The following PDE4A variants were observed in gnomAD, a reference collection of about 807,000 sequenced individuals.
The protein encoded by PDE4A is phosphodiesterase 4A, also known as 3',5'-cyclic-AMP phosphodiesterase 4A.
PDE4A carries 21 observed loss-of-function variants against 73.9 expected under a neutral mutation model. The observed-to-expected ratio is 0.28, with a 90% CI of 0.20 to 0.41. The LOEUF (loss-of-function observed/expected upper bound fraction) is 0.41, where lower values mean the gene tolerates loss of function less well. Among genes scored for constraint, PDE4A ranks in the 10% least tolerant of loss-of-function variants. The probability of loss-of-function intolerance (pLI) is 1.00; values close to 1 mark genes in which losing one functional copy is unlikely to be tolerated. For missense variants in PDE4A, 958 were observed against 1,211.4 expected, an observed-to-expected ratio of 0.79 and a Z score of 3.10; for synonymous variants, 463 against 505.4, an observed-to-expected ratio of 0.92 and a Z score of 1.13.
rs145079183 is a variant in PDE4A at position 10,464,513 on chromosome 19, C to T, written c.1926+538C>T. ...CTCACTGCAGCCTTGAATTCCTGGGCTCAAGCGATCTTCCTGCCTCAGCCT... is the reference window on the plus strand; with the variant it reads ...CTCACTGCAGCCTTGAATTCCTGGGTTCAAGCGATCTTCCTGCCTCAGCCT... On this transcript the variant is annotated intron_variant, in intron 14 of 14. Coordinates refer to ENST00000380702, the MANE Select transcript of PDE4A (RefSeq NM_001111307.2). 6.9e-5 allele frequency: 31 copies of T among 446,044 alleles called. No individual in the cohort carries two copies. The East Asian group carries it at 1.6e-3, about 23-fold the overall frequency. The allele number at this position is 446,044 out of a possible 1,614,324, so 27.6% of individuals were successfully genotyped here. A position where few individuals can be genotyped will look rare whatever the true frequency, so the allele number is the denominator to read the frequency against.
At chr19:10,450,762 G>A in intron 5 of PDE4A, 67 bp from the exon 6 acceptor site, 1 of 1,578,236 alleles carries the variant, frequency 6.3e-7, no homozygotes, top group Non-Finnish European at 8.6e-7. Flanking sequence ...CCGTCACGGC[G>A]GTCTGGAGCC....
chr19:10,457,932 C>A lies in PDE4A; in HGVS notation c.931C>A (p.Gln311Lys). ...PSPTMKEREK[Q>K]QAPRPRPSQP... ...ACCCACGATGAAGGAACGAGAAAAA[C>A]AGCAAGCGCCGCGACCAAGACCCTC... The change falls in exon 8 of 15, where the codon CAG becomes AAG. Residue 311 changes from glutamine (Q) to lysine (K), a missense_variant. Physicochemically the swap from Gln to Lys is moderately conservative, Grantham distance 53. Coordinates refer to ENST00000380702, the MANE Select transcript of PDE4A (RefSeq NM_001111307.2). The A allele has an allele frequency of 6.2e-7, 1 of 1,613,116 alleles. No homozygotes were observed. Among genetic ancestry groups the A allele is most frequent in the Non-Finnish European group, 8.5e-7 (1 of 1,180,032 alleles).
At chr19:10,452,998 A>C in intron 6 of PDE4A, 1 of 1,276,684 alleles carries the variant, frequency 7.8e-7, no homozygotes. Flanking sequence ...CCCCCCTCCC[A>C]TGGGCACGGA....
chr19:10,455,445 CAA>C (rs2043155323), intron 7 of PDE4A, among the ~76,000 whole-genome samples: 1 of 140,570 alleles, frequency 7.1e-6, no homozygotes, highest in Non-Finnish European at 1.5e-5. Context: ...GCCTAGGCAA[CAA>C]GAGTGAAACT....
At chr19:10,466,284 A>T (rs1024913817) in intron 14 of PDE4A, among the ~76,000 whole-genome samples, 1 of 149,478 alleles carries the variant, frequency 6.7e-6, no homozygotes, top group Non-Finnish European at 1.5e-5. Flanking sequence ...GTCTCTACTA[A>T]AAATAGAAAA....
chr19:10,459,261 TTCTGTGCTG>T lies in PDE4A; in HGVS notation c.1102-137_1102-129del. On this transcript the variant is annotated intron_variant, in intron 8 of 14. Transcript: ENST00000380702. ...AGCCCAGTAGGACGAGGGCAGTACA[TTCTGTGCTG>T]TTGAACCTGTCACCCACTGGGTGAG... The T allele has an allele frequency of 4.1e-6, 6 of 1,454,402 alleles. No homozygotes were observed. In the African/African-American group the frequency reaches 4.3e-5, roughly 10 times the overall value. 90.1% of individuals were successfully genotyped at this position (1,454,402 alleles called of 1,614,324 possible). A position where few individuals can be genotyped will look rare whatever the true frequency, so the allele number is the denominator to read the frequency against.
chr19:10,449,387 TCTCA>T (rs1309854742), intron 4 of PDE4A, among the ~76,000 whole-genome samples: 2 of 152,084 alleles, frequency 1.3e-5, no homozygotes, highest in Admixed American at 6.6e-5. Flanking sequence ...TGAGATCAAG[TCTCA>T]CTCTGTCACA....
intron 11 of PDE4A, 115 bp downstream of exon 11, chr19:10,461,218 C>T (rs2043260069): frequency 3.0e-6 from 3 of 1,009,406 alleles, no homozygotes; most frequent in Admixed American, 1.0e-4. Context: ...GCGGGGCTGG[C>T]TGGCCTGGAA....
At position 10,446,347 on chromosome 19, in the gene PDE4A, A is replaced by C; in HGVS notation, c.450A>C (p.Ser150=). The C allele has an allele frequency of 6.2e-7, 1 of 1,613,944 alleles. No individual in the cohort carries two copies. Among genetic ancestry groups the C allele is most frequent in the Non-Finnish European group, 8.5e-7 (1 of 1,179,822 alleles). ...GCCGGGAGTCCTTCCTGTACCGCTC[A>C]GACAGCGACTATGACATGTCACCCA... ...SQRRESFLYR[S]DSDYDMSPKT... is the part of the protein sequence containing the mutation. The change falls in exon 2 of 15, where the codon TCA becomes TCC. Residue 150 remains serine, a synonymous_variant. Coordinates refer to ENST00000380702, the MANE Select transcript of PDE4A (RefSeq NM_001111307.2).
At chr19:10,426,778 G>A (rs1446818707) in intron 1 of PDE4A, among the ~76,000 whole-genome samples, 1 of 151,606 alleles carries the variant, frequency 6.6e-6, no homozygotes, top group Non-Finnish European at 1.5e-5. Context: ...GGTGGGAGGA[G>A]GATTGCATGA....
chr19:10,457,809 C>CTTCA, intron 7 of PDE4A, 70 bp from the exon 8 acceptor site: 1 of 1,589,118 alleles, frequency 6.3e-7, no homozygotes, highest in Non-Finnish European at 8.6e-7. Flanking sequence ...TGGTAGTGGG[C>CTTCA]TGAAGAATAA....
chr19:10,417,490 G>A (rs927545079), upstream of PDE4A: 1 of 980,888 alleles, frequency 1.0e-6, no homozygotes, highest in African/African-American at 1.8e-5. Context: ...AGACCTAAGG[G>A]ATGGCAGGGC....
chr19:10,430,998 T>C (rs2042781210), intron 1 of PDE4A: 2 of 1,577,946 alleles, frequency 1.3e-6, no homozygotes, highest in East Asian at 4.7e-5. Context: ...GCCCGTCTTC[T>C]TCGCCAGCCC....
chr19:10,461,077 T>C lies in PDE4A; in HGVS notation c.1439T>C (p.Val480Ala), dbSNP rs763634674. Reference sequence around the variant, plus strand: ...ATCCACGATGTGGATCACCCTGGGGTCTCCAACCAGTTCCTCATCAACACC... The same window carrying C: ...ATCCACGATGTGGATCACCCTGGGGCCTCCAACCAGTTCCTCATCAACACC... ...AAIHDVDHPG[V>A]SNQFLINTNS... Residue 480 changes from valine to alanine, a missense_variant, in exon 11 of 15, where the codon GTC becomes GCC. By Grantham distance (64) the Val-to-Ala change is moderately conservative. This residue lies in a region of PDE4A where 570 missense variants were observed against 827.7 expected (regional missense o/e 0.69). Transcript: ENST00000380702. The C allele has an allele frequency of 6.2e-7, 1 of 1,612,694 alleles. No individual in the cohort carries two copies. The highest frequency in any genetic ancestry group is 1.1e-5 in the South Asian group (1 of 91,040).
In PDE4A at chr19:10,453,060, C is replaced by CTGGGCGTGGA; in HGVS notation, c.784-1766_784-1765insGCGTGGATGG. Reference sequence around the variant, plus strand: ...CGGGGGGGCCCGTTGGGGCCCAGGGCTGGCGGGCCATGTAACCAGGGCTGC... The same window carrying CTGGGCGTGGA: ...CGGGGGGGCCCGTTGGGGCCCAGGGCTGGGCGTGGATGGCGGGCCATGTAACCAGGGCTGC... On this transcript the variant is annotated intron_variant, in intron 6 of 14. Coordinates refer to ENST00000380702, the MANE Select transcript of PDE4A (RefSeq NM_001111307.2). This position sits in a 1 kb window ranked among gnomAD's most constrained non-coding sequence, Gnocchi z 4.6. 1 of 1,350,664 alleles carries CTGGGCGTGGA rather than the reference C, an allele frequency of 7.4e-7. No homozygotes were observed. Among genetic ancestry groups the CTGGGCGTGGA allele is most frequent in the Non-Finnish European group, 9.5e-7 (1 of 1,053,820 alleles). The allele number at this position is 1,350,664 out of a possible 1,614,324, so 83.7% of individuals were successfully genotyped here. A position where few individuals can be genotyped will look rare whatever the true frequency, so the allele number is the denominator to read the frequency against.
At chr19:10,456,086 A>G (rs898300459) in intron 7 of PDE4A, among the ~76,000 whole-genome samples, 1 of 151,892 alleles carries the variant, frequency 6.6e-6, no homozygotes, top group African/African-American at 2.4e-5. Context: ...CTAGAAGATT[A>G]TCAAGCTTAA....
Position 10,454,542 on chromosome 19 carries a change from T to A in PDE4A, c.784-287T>A, listed in dbSNP as rs2043142667. ...GGCAGGAGCCCCTCCCTTCCACAGG[T>A]GCCCCTCTAGCTCCTCCTTGGGGGA... On this transcript the variant is annotated intron_variant, in intron 6 of 14. Coordinates refer to ENST00000380702, the MANE Select transcript of PDE4A (RefSeq NM_001111307.2). Among the ~76,000 whole-genome samples, 5 of 152,168 alleles carry A rather than the reference T, an allele frequency of 3.3e-5. No homozygotes were observed. The South Asian group carries it at 1.0e-3, about 31-fold the overall frequency.
upstream of PDE4A, chr19:10,420,294 C>T: frequency 4.8e-6 from 3 of 620,164 alleles, no homozygotes; most frequent in Non-Finnish European, 4.0e-6. The surrounding 1 kb of genome is among the most constrained non-coding windows in gnomAD (Gnocchi z 6.0). Flanking sequence ...CTGTGCGCGC[C>T]GCGGCCAAGC....
At chr19:10,457,830 AG>A (rs774370037) in intron 7 of PDE4A, 48 bp from the exon 8 acceptor site, 1 of 1,606,686 alleles carries the variant, frequency 6.2e-7, no homozygotes, top group African/African-American at 1.3e-5. Flanking sequence ...GGGAGCCTCC[AG>A]GGGTGGAAGG....
Sources: allele counts gnomAD v4.1 joint callset (sites outside exome capture counted in the v4.1 genomes callset), GRCh38; gene constraint gnomAD v4.1.1; regional missense constraint gnomAD v4.1.1; non-coding constraint Gnocchi (gnomAD v3.1); transcripts MANE v1.5; gene names NCBI Gene and HGNC (gene_info 2026-07-23, HGNC 2026-07-21).